Variants in MAP3K15 observed in about 807,000 individuals in gnomAD.
The protein encoded by MAP3K15 is MAPK/ERK kinase kinase 15.
Under a neutral mutation model 99.5 loss-of-function variants are expected in MAP3K15, and 124 were observed. That is an observed-to-expected ratio of 1.25 (90% CI 1.08 to 1.45). The LOEUF (loss-of-function observed/expected upper bound fraction) is 1.45. Among genes scored for constraint, MAP3K15 ranks in the 40% most tolerant of loss-of-function variants. The pLI is 0.00. For synonymous variants in MAP3K15, 494 were observed against 439.6 expected (o/e 1.12, Z -1.55); for missense variants, 1,242 against 1,079.7 (o/e 1.15, Z -2.11).
chrX:19,415,841 C>T (rs1246666012), intron 9 of MAP3K15, among the ~76,000 whole-genome samples: 1 of 111,805 alleles, frequency 8.9e-6, no homozygotes. Flanking sequence ...TTAAAATGTA[C>T]CAAAACTTAC....
intron 9 of MAP3K15, among the ~76,000 whole-genome samples, chrX:19,424,271 C>T (rs865912613): frequency 1.0e-5 from 1 of 99,379 alleles, no homozygotes. Flanking sequence ...TATATACACA[C>T]ATATATACAC....
chrX:19,446,005 C>T (rs573720999), intron 6 of MAP3K15, among the ~76,000 whole-genome samples: 2 of 104,265 alleles, frequency 1.9e-5, no homozygotes, highest in African/African-American at 6.9e-5. Flanking sequence ...CCAGCAACAG[C>T]AACAAAACTA....
chrX:19,415,641 T>C (rs964925514), intron 9 of MAP3K15, among the ~76,000 whole-genome samples: 1 of 111,080 alleles, frequency 9.0e-6, no homozygotes, highest in Non-Finnish European at 1.9e-5. Context: ...TTTTTCCCAA[T>C]AGATACATTG....
At chrX:19,440,623 G>T (rs2063952617) in intron 6 of MAP3K15, among the ~76,000 whole-genome samples, 1 of 112,600 alleles carries the variant, frequency 8.9e-6, no homozygotes, top group African/African-American at 3.2e-5. Context: ...GAAGGCCAGG[G>T]TCTACAGTGG....
intron 3 of MAP3K15, among the ~76,000 whole-genome samples, chrX:19,466,048 G>A (rs1012947677): frequency 9.1e-6 from 1 of 110,104 alleles, no homozygotes; most frequent in Non-Finnish European, 1.9e-5. Flanking sequence ...CAAACTCCTG[G>A]GCTCAAGCGA....
intron 19 of MAP3K15, 61 bp from the exon 20 acceptor site, chrX:19,374,721 A>G: frequency 9.5e-7 from 1 of 1,054,667 alleles, no homozygotes; most frequent in South Asian, 2.1e-5. Flanking sequence ...TCAGGTATCC[A>G]TGTCTCAGTC....
intron 6 of MAP3K15, among the ~76,000 whole-genome samples, chrX:19,453,556 G>T (rs1450458319): frequency 1.8e-5 from 2 of 109,951 alleles, no homozygotes; most frequent in African/African-American, 6.6e-5. Flanking sequence ...TAGGGAGGGA[G>T]TTCTGGTTCC....
intron 1 of MAP3K15, among the ~76,000 whole-genome samples, chrX:19,510,021 T>C (rs773127386): frequency 1.2e-4 from 13 of 111,415 alleles, no homozygotes; most frequent in Non-Finnish European, 2.3e-4. Flanking sequence ...TCTGGACACA[T>C]ACACCCTCCC....
At chrX:19,429,760 AAGAGAGAGAGAGAGAGAGAGAG>A (rs369383239) in intron 7 of MAP3K15, among the ~76,000 whole-genome samples, 1,376 of 33,140 alleles carry the variant, frequency 0.042, 86 homozygotes, top group African/African-American at 0.077. Flanking sequence ...GTATGAAAGG[AAGAGAGAGAGAGAGAGAGAGAG>A]AGAGAGAGAG....
intron 6 of MAP3K15, among the ~76,000 whole-genome samples, chrX:19,448,905 C>G (rs1252280308): frequency 6.4e-5 from 7 of 109,589 alleles, no homozygotes; most frequent in African/African-American, 2.3e-4. Context: ...ATTTTTAAAG[C>G]CTCAAATTAA....
intron 8 of MAP3K15, 121 bp from the exon 9 acceptor site, chrX:19,425,811 G>A (rs1272481691): frequency 6.8e-5 from 47 of 693,689 alleles, no homozygotes; most frequent in Non-Finnish European, 8.8e-5. Flanking sequence ...GTAACTGATT[G>A]TTCCTTTTGA....
chrX:19,392,138 A>G, intron 17 of MAP3K15, 31 bp from the exon 18 acceptor site: 1 of 1,138,245 alleles, frequency 8.8e-7, no homozygotes, highest in Non-Finnish European at 1.2e-6. Flanking sequence ...AAGTGCTTAA[A>G]AGACAGGCTG....
intron 1 of MAP3K15, among the ~76,000 whole-genome samples, chrX:19,502,911 C>T (rs774582877): frequency 9.0e-6 from 1 of 111,552 alleles, no homozygotes; most frequent in Admixed American, 9.6e-5. Context: ...AATATGGGGA[C>T]GGAAACCAGG....
At chrX:19,495,814 A>G (rs2064397275) in intron 1 of MAP3K15, among the ~76,000 whole-genome samples, 1 of 111,446 alleles carries the variant, frequency 9.0e-6, no homozygotes, top group Non-Finnish European at 1.9e-5. Context: ...GCTAGACTGC[A>G]TTCATCACTT....
intron 6 of MAP3K15, among the ~76,000 whole-genome samples, chrX:19,451,977 T>A (rs907032505): frequency 9.4e-6 from 1 of 106,022 alleles, no homozygotes; most frequent in Non-Finnish European, 1.9e-5. Flanking sequence ...GAGAATCACT[T>A]GAACCTGGGA....
intron 6 of MAP3K15, among the ~76,000 whole-genome samples, chrX:19,442,421 TTTAAA>T (rs1234156716): frequency 9.0e-6 from 1 of 111,659 alleles, no homozygotes; most frequent in African/African-American, 3.2e-5. Context: ...ACTACCAAAC[TTTAAA>T]TTAACTGTAG....
At chrX:19,505,391 G>A (rs889608959) in intron 1 of MAP3K15, among the ~76,000 whole-genome samples, 1 of 111,951 alleles carries the variant, frequency 8.9e-6, no homozygotes, top group Admixed American at 9.5e-5. Context: ...TATAACAAAC[G>A]ATGCCAAAAT....
rs189197505 is a variant in MAP3K15, at chrX:19,431,554, C to A, written c.1050G>T (p.Leu350=). The change falls in exon 7 of 29, where the codon CTG becomes CTT. Residue 350 remains leucine, a synonymous_variant. Coordinates refer to ENST00000338883, the MANE Select transcript of MAP3K15 (RefSeq NM_001001671.4). ...CGGGGCCCGGGTGATCACAGCTCTG[C>A]AGAACCTGGAGCATGATCTGCAGAG... is the stretch of plus-strand genomic sequence containing the variant. ...EKALQIMLQV[L]QSCDHPGPDM... The A allele has an allele frequency of 6.3e-5, 75 of 1,198,046 alleles. No individual in the cohort carries two copies. The East Asian group carries it at 1.1e-3, about 18-fold the overall frequency.
chrX:19,513,668 C>T (rs1056626052), intron 1 of MAP3K15, among the ~76,000 whole-genome samples: 1 of 111,782 alleles, frequency 8.9e-6, no homozygotes, highest in Non-Finnish European at 1.9e-5. Flanking sequence ...ACTATTACAG[C>T]AAAGCAACTT....
Sources: gnomAD v4.1 joint callset for allele counts (sites outside exome capture counted in the v4.1 genomes callset) on GRCh38, gnomAD v4.1.1 for gene constraint, MANE v1.5 for transcripts, NCBI Gene and HGNC (gene_info 2026-07-23, HGNC 2026-07-21) for gene names.